The following MOB3B variants were observed in gnomAD, a reference collection of about 807,000 sequenced individuals.
MOB3B encodes the protein MOB kinase activator 3B, also known as MOB kinase activator-like 2B.
MOB3B carries 7 observed loss-of-function variants against 18.7 expected under a neutral mutation model. The observed-to-expected ratio is 0.37, with a 90% CI of 0.21 to 0.70. MOB3B has a LOEUF of 0.70. Ranked by LOEUF, MOB3B falls within the 30% of genes least tolerant of loss-of-function variation. MOB3B has a pLI of 0.52. For missense variants in MOB3B, 253 were observed against 281.3 expected (o/e 0.90, Z 0.72); for synonymous variants, 111 against 99.9 (o/e 1.11, Z -0.66).
chr9:27,397,109 G>A (rs1008032752), intron 2 of MOB3B: 1 of 152,210 alleles, frequency 6.6e-6, no homozygotes, highest in African/African-American at 2.4e-5. Context: ...CTACAAGACA[G>A]TCCTTCTTCT....
At chr9:27,461,704 T>G (rs2131457064) in intron 1 of MOB3B, among the ~76,000 whole-genome samples, 1 of 152,360 alleles carries the variant, frequency 6.6e-6, no homozygotes, top group South Asian at 2.1e-4. Flanking sequence ...GTTTTGGTCA[T>G]CAGTGCAGAC....
intron 2 of MOB3B, among the ~76,000 whole-genome samples, chr9:27,403,423 G>GAA (rs941631592): frequency 6.6e-6 from 1 of 150,530 alleles, no homozygotes; most frequent in African/African-American, 2.4e-5. Context: ...AGGGAGAAGG[G>GAA]AAAAGGAAAA....
chr9:27,463,158 T>C lies in MOB3B; in HGVS notation c.-198-7410A>G, dbSNP rs889169863. On this transcript the variant is annotated intron_variant, in intron 1 of 3. Transcript: ENST00000262244. ...CAAGTTTTACTAGAGAGTCAGATTC[T>C]TGAGAGACCAGTCACCTAGAATCTA... is the stretch of plus-strand genomic sequence containing the variant. Among the ~76,000 whole-genome samples the C allele has an allele frequency of 2.0e-5, 3 of 152,358 alleles. No homozygotes were observed. The East Asian group carries it at 5.8e-4, about 29-fold the overall frequency.
intron 1 of MOB3B, among the ~76,000 whole-genome samples, chr9:27,490,749 C>A (rs1292039959): frequency 6.6e-6 from 1 of 152,160 alleles, no homozygotes; most frequent in Middle Eastern, 3.2e-3. Flanking sequence ...CACTCCAGTG[C>A]TCTTTACACT....
intron 1 of MOB3B, chr9:27,526,145 A>G (rs1820433374): frequency 6.6e-6 from 1 of 152,236 alleles, no homozygotes; most frequent in Non-Finnish European, 1.5e-5. Flanking sequence ...GCATGCTGCC[A>G]AACTGTTCAG....
chr9:27,473,261 T>C (rs2131469143), intron 1 of MOB3B, among the ~76,000 whole-genome samples: 1 of 152,346 alleles, frequency 6.6e-6, no homozygotes, highest in South Asian at 2.1e-4. Context: ...AGTACACGTT[T>C]TTCTCATCTA....
intron 2 of MOB3B, among the ~76,000 whole-genome samples, chr9:27,359,972 G>T (rs1019644447): frequency 3.3e-5 from 5 of 152,114 alleles, no homozygotes; most frequent in African/African-American, 1.2e-4. Context: ...GGGTTCCTAA[G>T]CTAAACAGAC....
At chr9:27,488,908 G>A (rs868857) in intron 1 of MOB3B, among the ~76,000 whole-genome samples, 37,573 of 152,126 alleles carry the variant, frequency 0.25, 4,829 homozygotes, top group East Asian at 0.34. Context: ...ACTGGCATAG[G>A]GCTATACCAT....
intron 2 of MOB3B, among the ~76,000 whole-genome samples, chr9:27,395,736 G>A (rs117426348): frequency 2.0e-3 from 312 of 152,284 alleles, no homozygotes; most frequent in Middle Eastern, 0.017. Flanking sequence ...AACACAGAAC[G>A]GTAGCAAGAG....
chr9:27,465,810 T>C (rs770091308), intron 1 of MOB3B, among the ~76,000 whole-genome samples: 1 of 152,172 alleles, frequency 6.6e-6, no homozygotes, highest in Non-Finnish European at 1.5e-5. Flanking sequence ...CACCCTGAGC[T>C]CTACGTTGGC....
intron 2 of MOB3B, among the ~76,000 whole-genome samples, chr9:27,450,108 C>T (rs1822761326): frequency 6.6e-6 from 1 of 152,078 alleles, no homozygotes; most frequent in Non-Finnish European, 1.5e-5. Flanking sequence ...TCCCTTGCCA[C>T]AGCATGTGAG....
chr9:27,503,944 C>A (rs1234871875), intron 1 of MOB3B, among the ~76,000 whole-genome samples: 2 of 152,218 alleles, frequency 1.3e-5, no homozygotes, highest in African/African-American at 2.4e-5. Context: ...CCCTGTGCAT[C>A]ACAGCCATCT....
intron 1 of MOB3B, among the ~76,000 whole-genome samples, chr9:27,479,902 T>C (rs1399973048): frequency 6.6e-6 from 1 of 152,006 alleles, no homozygotes; most frequent in Non-Finnish European, 1.5e-5. Context: ...CAAAAAGTTT[T>C]AAAAATTAGC....
intron 2 of MOB3B, among the ~76,000 whole-genome samples, chr9:27,381,068 C>A (rs973318241): frequency 6.6e-6 from 1 of 152,116 alleles, no homozygotes; most frequent in East Asian, 1.9e-4. Flanking sequence ...CCTGAGCTGA[C>A]AAGACATGCA....
At chr9:27,377,953 G>A (rs1201643057) in intron 2 of MOB3B, among the ~76,000 whole-genome samples, 1 of 152,252 alleles carries the variant, frequency 6.6e-6, no homozygotes, top group Non-Finnish European at 1.5e-5. Context: ...CTCACAGGTA[G>A]TGGGGTAAGA....
At chr9:27,374,216 A>T (rs1017381140) in intron 2 of MOB3B, among the ~76,000 whole-genome samples, 2 of 148,686 alleles carry the variant, frequency 1.3e-5, no homozygotes, top group Admixed American at 6.7e-5. Context: ...TGTCTGAAGT[A>T]TTTTTTTTTT....
intron 2 of MOB3B, among the ~76,000 whole-genome samples, chr9:27,375,569 A>G (rs1821477951): frequency 6.6e-6 from 1 of 152,124 alleles, no homozygotes; most frequent in African/African-American, 2.4e-5. Flanking sequence ...ATTATAGTGG[A>G]TGCTTTGGTG....
rs1027859604 is a variant in MOB3B at position 27,326,243 on chromosome 9, G to A, written c.*4344C>T. 10 of 382,296 alleles carry A rather than the reference G, an allele frequency of 2.6e-5. No homozygotes were observed. The highest frequency in any genetic ancestry group is 1.9e-4 in the African/African-American group (9 of 48,310). 23.7% of individuals were successfully genotyped at this position (382,296 alleles called of 1,614,324 possible). ...GTGGAGAGCTTTGGGAAGGTTTCAC[G>A]TTGAGTTACATCAGTGGTCAACAAT... On this transcript the variant is annotated 3_prime_UTR_variant, in exon 4 of 4. Coordinates refer to ENST00000262244, the MANE Select transcript of MOB3B (RefSeq NM_024761.5).
intron 2 of MOB3B, among the ~76,000 whole-genome samples, chr9:27,399,162 C>G: frequency 6.6e-6 from 1 of 152,288 alleles, no homozygotes. Context: ...TTCCCTATCT[C>G]TCTCTTTCAT....
Sources: gnomAD v4.1 joint callset for allele counts (sites outside exome capture counted in the v4.1 genomes callset) on GRCh38, gnomAD v4.1.1 for gene constraint, MANE v1.5 for transcripts, NCBI Gene and HGNC (gene_info 2026-07-23, HGNC 2026-07-21) for gene names.